Variants in SLC7A8 observed in about 807,000 individuals in gnomAD.
The protein encoded by SLC7A8 is large neutral amino acids transporter small subunit 2.
Under a neutral mutation model 51.2 loss-of-function variants are expected in SLC7A8, and 30 were observed. The ratio of observed to expected loss-of-function variants is 0.59; its 90% confidence interval spans 0.44 to 0.80. The LOEUF (loss-of-function observed/expected upper bound fraction) is 0.80. Among genes scored for constraint, SLC7A8 ranks in the 30% least tolerant of loss-of-function variants. The probability of loss-of-function intolerance (pLI) is 0.00; values close to 1 mark genes in which losing one functional copy is unlikely to be tolerated. For synonymous variants in SLC7A8, 257 were observed against 275.8 expected (o/e 0.93, Z 0.67); for missense variants, 612 against 674.4 (o/e 0.91, Z 1.03).
intron 3 of SLC7A8, among the ~76,000 whole-genome samples, chr14:23,144,341 AT>A (rs67517828): frequency 0.078 from 8,958 of 114,212 alleles, 246 homozygotes; most frequent in South Asian, 0.21. Context: ...TTTAAACACA[AT>A]TTTTTTTTTT....
intron 7 of SLC7A8, among the ~76,000 whole-genome samples, chr14:23,136,835 C>T (rs952119439): frequency 2.0e-5 from 3 of 152,218 alleles, no homozygotes; most frequent in Non-Finnish European, 2.9e-5. Flanking sequence ...CGCTTGGCCT[C>T]GGCGGGGCCT....
chr14:23,151,171 C>T (rs2048843457), intron 3 of SLC7A8, among the ~76,000 whole-genome samples: 4 of 152,154 alleles, frequency 2.6e-5, no homozygotes, highest in Admixed American at 1.3e-4. Context: ...CCACAGCCAG[C>T]GGTGCACACG....
chr14:23,165,503 G>C lies in SLC7A8; in HGVS notation c.357-67C>G. On this transcript the variant is annotated intron_variant, in intron 2 of 10. Coordinates refer to ENST00000316902, the MANE Select transcript of SLC7A8 (RefSeq NM_012244.4). This position sits in a 1 kb window ranked among gnomAD's most constrained non-coding sequence, Gnocchi z 4.2. ...ACGCAGAGCCATCAGGGGAGAGCCC[G>C]GGCAAGTCATGCATCTCTTTTTTAT... is the stretch of plus-strand genomic sequence containing the variant. The C allele has an allele frequency of 6.7e-7, 1 of 1,494,244 alleles. No individual in the cohort carries two copies. The highest frequency in any genetic ancestry group is 8.9e-7 in the Non-Finnish European group (1 of 1,124,182). The allele number at this position is 1,494,244 out of a possible 1,614,324, so 92.6% of individuals were successfully genotyped here. A position where few individuals can be genotyped will look rare whatever the true frequency, so the allele number is the denominator to read the frequency against.
At chr14:23,171,033 C>T (rs2048973029) in intron 1 of SLC7A8, among the ~76,000 whole-genome samples, 1 of 152,126 alleles carries the variant, frequency 6.6e-6, no homozygotes, top group Admixed American at 6.6e-5. Context: ...CCGGCCAACA[C>T]ACGTTTCTTG....
chr14:23,163,836 A>G (rs2048936093), intron 3 of SLC7A8, among the ~76,000 whole-genome samples: 1 of 152,238 alleles, frequency 6.6e-6, no homozygotes, highest in African/African-American at 2.4e-5. Flanking sequence ...CTAATATCAG[A>G]GATAAAGCTT....
At chr14:23,177,160 C>T (rs982834299) in intron 1 of SLC7A8, among the ~76,000 whole-genome samples, 1 of 152,200 alleles carries the variant, frequency 6.6e-6, no homozygotes, top group South Asian at 2.1e-4. Flanking sequence ...AGCTCTCTGG[C>T]CAGCTTTTTC....
rs888334151 is a variant in SLC7A8 at position 23,145,254 on chromosome 14, C to T, written c.509-2050G>A. 2.0e-5 allele frequency among the ~76,000 whole-genome samples: 3 copies of T among 151,250 alleles called. No individual in the cohort carries two copies. In the East Asian group the frequency reaches 6.1e-4, roughly 31 times the overall value. ...TTAAAATGACCTGCTTCTGGCCGGGCATGGTGGCTCACGCTTGTAATCCCA... is the reference window on the plus strand; with the variant it reads ...TTAAAATGACCTGCTTCTGGCCGGGTATGGTGGCTCACGCTTGTAATCCCA... On this transcript the variant is annotated intron_variant, in intron 3 of 10. Coordinates refer to ENST00000316902, the MANE Select transcript of SLC7A8 (RefSeq NM_012244.4).
At chr14:23,135,201 C>T (rs1047254260) in intron 7 of SLC7A8, among the ~76,000 whole-genome samples, 113 of 152,086 alleles carry the variant, frequency 7.4e-4, no homozygotes, top group African/African-American at 2.6e-3. Context: ...GATTCTTCTG[C>T]CTCAGCCTCC....
chr14:23,176,413 T>C (rs1241528597), intron 1 of SLC7A8, among the ~76,000 whole-genome samples: 1 of 152,128 alleles, frequency 6.6e-6, no homozygotes, highest in Non-Finnish European at 1.5e-5. Flanking sequence ...TGCCCCACCA[T>C]GCAATATATA....
intron 3 of SLC7A8, chr14:23,155,198 G>T: frequency 6.5e-7 from 1 of 1,535,982 alleles, no homozygotes; most frequent in Non-Finnish European, 8.7e-7. Context: ...CCCCTCCAAA[G>T]GAGAGGAGGT....
At chr14:23,163,266 G>A (rs928388734) in intron 3 of SLC7A8, among the ~76,000 whole-genome samples, 6 of 152,148 alleles carry the variant, frequency 3.9e-5, no homozygotes, top group African/African-American at 1.4e-4. Context: ...GAGGCAGCTA[G>A]GATTACACTC....
At chr14:23,156,658 C>A (rs1168364443) in intron 3 of SLC7A8, among the ~76,000 whole-genome samples, 1 of 152,178 alleles carries the variant, frequency 6.6e-6, no homozygotes, top group African/African-American at 2.4e-5. Context: ...AACAAAAGGC[C>A]AGAGAATTTA....
At position 23,136,070 on chromosome 14, in the gene SLC7A8, C is replaced by T. The variant is rs79328556; in HGVS notation, c.1016+1851G>A. Reference sequence around the variant, plus strand: ...TGATAGGAACAAAAAGGCACATATTCAGCACACTGGGAGTTCAGAGGAGAA... The same window carrying T: ...TGATAGGAACAAAAAGGCACATATTTAGCACACTGGGAGTTCAGAGGAGAA... On this transcript the variant is annotated intron_variant, in intron 7 of 10. Transcript: ENST00000316902. Among the ~76,000 whole-genome samples, 11 of 152,214 alleles carry T rather than the reference C, an allele frequency of 7.2e-5. No homozygotes were observed. In the East Asian group the frequency reaches 2.1e-3, roughly 29 times the overall value.
Position 23,165,658 on chromosome 14 carries a change from C to CT in SLC7A8, c.357-223dup, listed in dbSNP as rs2048946098. 6.6e-6 allele frequency among the ~76,000 whole-genome samples: 1 copy of CT among 152,184 alleles called. No individual in the cohort carries two copies. The highest frequency in any genetic ancestry group is 1.9e-4 in the East Asian group (1 of 5,198). ...AAGCACTAACACAAGTCTTGGCGTTCTTCCTTTCTCTCCTCTCCTTTCATG... is the reference window on the plus strand; with the variant it reads ...AAGCACTAACACAAGTCTTGGCGTTCTTTCCTTTCTCTCCTCTCCTTTCATG... On this transcript the variant is annotated intron_variant, in intron 2 of 10. Transcript: ENST00000316902. This position sits in a 1 kb window ranked among gnomAD's most constrained non-coding sequence, Gnocchi z 4.2.
Position 23,131,645 on chromosome 14 carries a change from C to T in SLC7A8, c.1017-88G>A. 3.0e-6 allele frequency: 3 copies of T among 995,248 alleles called. No individual in the cohort carries two copies. The South Asian group carries it at 5.5e-5, about 18-fold the overall frequency. 61.7% of individuals were successfully genotyped at this position (995,248 alleles called of 1,614,324 possible). On this transcript the variant is annotated intron_variant, in intron 7 of 10. Coordinates refer to ENST00000316902, the MANE Select transcript of SLC7A8 (RefSeq NM_012244.4). ...CATCCTTGCCTACCTTCTGCCCACA[C>T]AGGGGCATCCCCACTCCAACCAGGC...
intron 8 of SLC7A8, among the ~76,000 whole-genome samples, chr14:23,130,768 T>C (rs2048625256): frequency 6.6e-6 from 1 of 152,238 alleles, no homozygotes; most frequent in Non-Finnish European, 1.5e-5. Context: ...GATTGCTAAC[T>C]GCTTCACCAG....
rs1388430322 is a variant in SLC7A8 at position 23,128,351 on chromosome 14, T to C, written c.1264-155A>G. The C allele has an allele frequency of 2.0e-6, 3 of 1,538,100 alleles. No individual in the cohort carries two copies. The East Asian group carries it at 7.3e-5, about 38-fold the overall frequency. Reference sequence around the variant, plus strand: ...GGCTCTGTGGTCCCACACTCACCCCTGGTAGGGCAGGGGCTATATAAACAA... The same window carrying C: ...GGCTCTGTGGTCCCACACTCACCCCCGGTAGGGCAGGGGCTATATAAACAA... On this transcript the variant is annotated intron_variant, in intron 9 of 10. Transcript: ENST00000316902. The surrounding 1 kb of genome is among the most constrained non-coding windows in gnomAD (Gnocchi z 4.3).
At chr14:23,147,490 G>A (rs1366187848) in intron 3 of SLC7A8, among the ~76,000 whole-genome samples, 1 of 152,214 alleles carries the variant, frequency 6.6e-6, no homozygotes, top group African/African-American at 2.4e-5. Context: ...CCTTCTATAG[G>A]AGGAGGAGAC....
At chr14:23,158,963 C>T (rs2048907879) in intron 3 of SLC7A8, among the ~76,000 whole-genome samples, 1 of 152,156 alleles carries the variant, frequency 6.6e-6, no homozygotes, top group Non-Finnish European at 1.5e-5. Context: ...TTCAGTGATT[C>T]CCTGTTCCTT....
Sources: gnomAD v4.1 joint callset for allele counts (sites outside exome capture counted in the v4.1 genomes callset) on GRCh38, gnomAD v4.1.1 for gene constraint, Gnocchi (gnomAD v3.1) non-coding constraint, MANE v1.5 for transcripts, NCBI Gene and HGNC (gene_info 2026-07-23, HGNC 2026-07-21) for gene names.